MED15: variants seen among roughly 807,000 people sequenced by gnomAD.
MED15 encodes the protein mediator complex subunit 15.
In MED15, 41 loss-of-function variants were observed where a neutral mutation model predicts 118.7. The ratio of observed to expected loss-of-function variants is 0.35; its 90% confidence interval spans 0.27 to 0.45. The LOEUF is 0.45. Ranked by LOEUF, MED15 falls within the 20% of genes least tolerant of loss-of-function variation. The pLI is 1.00. For synonymous variants in MED15, 436 were observed against 413.9 expected (o/e 1.05, Z -0.65); for missense variants, 740 against 1,025.5 (o/e 0.72, Z 3.80).
chr22:20,540,692 G>A (rs1334505160), intron 2 of MED15, among the ~76,000 whole-genome samples: 1 of 152,160 alleles, frequency 6.6e-6, no homozygotes, highest in Non-Finnish European at 1.5e-5. Context: ...GGATTAGGCA[G>A]TAGTTTCTTA....
intron 1 of MED15, among the ~76,000 whole-genome samples, chr22:20,508,960 C>T (rs766174941): frequency 2.3e-4 from 35 of 152,264 alleles, no homozygotes; most frequent in Non-Finnish European, 3.7e-4. Flanking sequence ...GTGTATACTG[C>T]AGGGGTTTCT....
At chr22:20,534,354 A>G (rs1196999417) in intron 1 of MED15, among the ~76,000 whole-genome samples, 1 of 152,006 alleles carries the variant, frequency 6.6e-6, no homozygotes, top group East Asian at 1.9e-4. Flanking sequence ...TGTCTCTACA[A>G]AAAAAGTAAA....
rs61748930 is a variant in MED15 at position 20,585,159 on chromosome 22, C to T, written c.2023C>T (p.Pro675Ser). The change falls in exon 16 of 18, where the codon CCC becomes TCC. Residue 675 changes from proline (P) to serine (S), a missense_variant. This residue lies in a region of MED15 where 179 missense variants were observed against 259.0 expected (regional missense o/e 0.69). Transcript: ENST00000263205. ...RLEDDERQSI[P>S]SVLQGEVARL... ...TGAGGATGATGAGCGGCAGAGCATC[C>T]CCAGTGTGCTCCAGGGTGAGGTGGC... 1 of 1,613,750 alleles carries T rather than the reference C, an allele frequency of 6.2e-7. No individual in the cohort carries two copies.
chr22:20,584,811 A>ATTT lies in MED15; in HGVS notation c.1804-44_1804-43insTTT, dbSNP rs1489727339. On this transcript the variant is annotated intron_variant, in intron 14 of 17. Transcript: ENST00000263205. ...GGTGTGAAGGCCCCCTAAATGGGGA[A>ATTT]CCCTCGGGTCCCGGGCTGCTGACCG... 3 of 1,604,506 alleles carry ATTT rather than the reference A, an allele frequency of 1.9e-6. No individual in the cohort carries two copies. The Admixed American group carries it at 5.0e-5, about 27-fold the overall frequency.
chr22:20,548,229 G>A lies in MED15; in HGVS notation c.157-3207G>A, dbSNP rs542408437. Among the ~76,000 whole-genome samples, 8 of 151,576 alleles carry A rather than the reference G, an allele frequency of 5.3e-5. No individual in the cohort carries two copies. The East Asian group carries it at 7.8e-4, about 15-fold the overall frequency. On this transcript the variant is annotated intron_variant, in intron 2 of 17. Coordinates refer to ENST00000263205, the MANE Select transcript of MED15 (RefSeq NM_001003891.3). ...CAGGCTGGAGTGCAGTGGCGTGATC[G>A]CGGCTCACTGCAACCTCTGCCTCCT...
At chr22:20,544,387 CG>C (rs1482923248) in intron 2 of MED15, among the ~76,000 whole-genome samples, 29 of 152,260 alleles carry the variant, frequency 1.9e-4, no homozygotes, top group African/African-American at 7.0e-4. Context: ...AAATTTAGGC[CG>C]GGTGCGGTGG....
Position 20,582,902 on chromosome 22 carries a change from G to C in MED15, c.1472G>C (p.Ser491Thr), listed in dbSNP as rs1361567334. The C allele has an allele frequency of 6.2e-7, 1 of 1,613,656 alleles. No individual in the cohort carries two copies. Among genetic ancestry groups the C allele is most frequent in the South Asian group, 1.1e-5 (1 of 91,082 alleles). The change falls in exon 11 of 18, where the codon AGC becomes ACC. Residue 491 changes from serine (S) to threonine (T), a missense_variant. Physicochemically the swap from Ser to Thr is moderately conservative, Grantham distance 58. Transcript: ENST00000263205. ...LPSPSPQPSQ[S>T]PVTARTPQNF... ...AGCCCCTCACCGCAGCCCTCCCAGA[G>C]CCCAGTGACGGCGCGGACCCCACAG... is the stretch of plus-strand genomic sequence containing the variant.
At position 20,581,218 on chromosome 22, in the gene MED15, CAGAA is replaced by C. The variant is rs146304689; in HGVS notation, c.1273-1389_1273-1386del. 1.3e-3 allele frequency among the ~76,000 whole-genome samples: 193 copies of C among 152,328 alleles called. 5 individuals carry two copies. In the East Asian group the frequency reaches 0.035, roughly 28 times the overall value. ...GGCACAGCCCATGGAACAGGCAGGA[CAGAA>C]AGAGCATTTCGCTCCAGGAGCTTGG... On this transcript the variant is annotated intron_variant, in intron 9 of 17. Transcript: ENST00000263205.
intron 3 of MED15, 105 bp downstream of exon 3, chr22:20,551,592 A>G (rs949854811): frequency 2.8e-6 from 3 of 1,071,764 alleles, no homozygotes; most frequent in East Asian, 4.7e-5. Context: ...CCTGAGTCAG[A>G]AGGTCTGTGT....
intron 1 of MED15, among the ~76,000 whole-genome samples, chr22:20,531,509 T>C (rs2054861351): frequency 6.6e-6 from 1 of 152,332 alleles, no homozygotes; most frequent in East Asian, 1.9e-4. Context: ...CCTCCTCCCC[T>C]GTCTGCTTCC....
At chr22:20,581,883 G>A (rs752569229) in intron 9 of MED15, 2 of 152,270 alleles carry the variant, frequency 1.3e-5, no homozygotes, top group Non-Finnish European at 2.9e-5. Context: ...GCCTTGCTTT[G>A]CATACACACA....
chr22:20,541,559 C>T (rs1265300240), intron 2 of MED15, among the ~76,000 whole-genome samples: 1 of 151,006 alleles, frequency 6.6e-6, no homozygotes, highest in Non-Finnish European at 1.5e-5. Context: ...TCTCGTCTCA[C>T]TACAGCCTTC....
At chr22:20,520,133 C>T (rs554442317) in intron 1 of MED15, among the ~76,000 whole-genome samples, 4 of 152,302 alleles carry the variant, frequency 2.6e-5, no homozygotes, top group African/African-American at 9.6e-5. Context: ...AAGGCCCCCA[C>T]CCCTGGAACT....
At chr22:20,566,180 C>T (rs2056432544) in intron 6 of MED15, among the ~76,000 whole-genome samples, 2 of 152,070 alleles carry the variant, frequency 1.3e-5, no homozygotes, top group Admixed American at 1.3e-4. Context: ...GCTGGGATTA[C>T]AGGTGTGAGC....
intron 1 of MED15, among the ~76,000 whole-genome samples, chr22:20,517,718 C>G (rs896814637): frequency 7.9e-5 from 12 of 152,166 alleles, no homozygotes; most frequent in African/African-American, 2.9e-4. Context: ...TTCCTGAGTA[C>G]TGCTGCAGGC....
chr22:20,531,789 T>C (rs2054873085), intron 1 of MED15, among the ~76,000 whole-genome samples: 1 of 152,250 alleles, frequency 6.6e-6, no homozygotes, highest in Non-Finnish European at 1.5e-5. Context: ...ATAGTGGGGC[T>C]GGCACACAGA....
At chr22:20,568,656 C>A in intron 8 of MED15, 25 bp downstream of exon 8, 1 of 1,607,458 alleles carries the variant, frequency 6.2e-7, no homozygotes, top group South Asian at 1.1e-5. Flanking sequence ...GTGGAGGGCT[C>A]CATAGTCATC....
intron 8 of MED15, 43 bp from the exon 9 acceptor site, chr22:20,575,070 C>T (rs763180407): frequency 1.9e-5 from 31 of 1,610,258 alleles, no homozygotes; most frequent in African/African-American, 4.0e-5. Context: ...CACTGAGTTT[C>T]TTTGTTGCGA....
chr22:20,576,659 T>G (rs970542720), intron 9 of MED15, among the ~76,000 whole-genome samples: 1 of 152,052 alleles, frequency 6.6e-6, no homozygotes, highest in African/African-American at 2.4e-5. Context: ...TAGAAAGGCT[T>G]TGGTGAAAGA....
Sources: gnomAD v4.1 joint callset for allele counts (sites outside exome capture counted in the v4.1 genomes callset) on GRCh38, gnomAD v4.1.1 for gene constraint, gnomAD v4.1.1 regional missense constraint, MANE v1.5 for transcripts, NCBI Gene and HGNC (gene_info 2026-07-23, HGNC 2026-07-21) for gene names.